CCDC3: variants seen among roughly 807,000 people sequenced by gnomAD.
CCDC3 encodes the protein coiled-coil domain-containing protein 3.
Under a neutral mutation model 21.4 loss-of-function variants are expected in CCDC3, and 24 were observed. That is an observed-to-expected ratio of 1.12 (90% CI 0.81 to 1.58). The LOEUF is 1.58. Among genes scored for constraint, CCDC3 ranks in the 40% most tolerant of loss-of-function variants. The probability of loss-of-function intolerance (pLI) is 0.00; values close to 1 mark genes in which losing one functional copy is unlikely to be tolerated. For synonymous variants in CCDC3, 186 were observed against 166.0 expected, an observed-to-expected ratio of 1.12 and a Z score of -0.93; for missense variants, 425 against 360.9, an observed-to-expected ratio of 1.18 and a Z score of -1.44.
At chr10:12,956,574 C>T (rs11258079) in intron 2 of CCDC3, among the ~76,000 whole-genome samples, 55,615 of 152,088 alleles carry the variant, frequency 0.37, 11,043 homozygotes, top group East Asian at 0.5. Flanking sequence ...ATTAGGGAAA[C>T]TGCATTTCTT....
At chr10:12,964,718 G>A (rs555675930) in intron 2 of CCDC3, among the ~76,000 whole-genome samples, 2 of 152,260 alleles carry the variant, frequency 1.3e-5, no homozygotes, top group East Asian at 1.9e-4. Context: ...CCTTAACAAT[G>A]TAATTGACTC....
intron 3 of CCDC3, among the ~76,000 whole-genome samples, chr10:13,089,829 C>T (rs1837159579): frequency 7.5e-6 from 1 of 133,794 alleles, no homozygotes; most frequent in African/African-American, 2.7e-5. Context: ...ATCCCCCACC[C>T]CCCTCCCACC....
At chr10:13,071,296 AC>A (rs35791992) in intron 4 of CCDC3, among the ~76,000 whole-genome samples, 51,018 of 151,752 alleles carry the variant, frequency 0.34, 8,744 homozygotes, top group African/African-American at 0.4. Context: ...AGTCCACGCA[AC>A]CCCCCCTCAA....
rs1249639105 is a variant in CCDC3 at position 12,898,826 on chromosome 10, C to T, written c.550-147G>A. On this transcript the variant is annotated intron_variant, in intron 2 of 2. Coordinates refer to ENST00000378825, the MANE Select transcript of CCDC3 (RefSeq NM_031455.4). ...GCATGGGCATAAACCCCAGGATGTCCTTGACGGTGACATTCCCCGCCCTCC... is the reference window on the plus strand; with the variant it reads ...GCATGGGCATAAACCCCAGGATGTCTTTGACGGTGACATTCCCCGCCCTCC... 18 of 948,326 alleles carry T rather than the reference C, an allele frequency of 1.9e-5. No homozygotes were observed. In the East Asian group the frequency reaches 3.2e-4, roughly 17 times the overall value. The allele number at this position is 948,326 out of a possible 1,614,324, so 58.7% of individuals were successfully genotyped here.
At chr10:13,084,331 G>A (rs1156482530) in intron 3 of CCDC3, among the ~76,000 whole-genome samples, 1 of 147,396 alleles carries the variant, frequency 6.8e-6, no homozygotes, top group Non-Finnish European at 1.5e-5. Flanking sequence ...TGTTGCCCAG[G>A]CTGGAATGCA....
intron 5 of CCDC3, among the ~76,000 whole-genome samples, chr10:13,022,605 T>C (rs183733067): frequency 4.9e-4 from 75 of 152,320 alleles, no homozygotes; most frequent in Middle Eastern, 6.8e-3. Flanking sequence ...AAAACTGCAA[T>C]TTCTTTTGCC....
intron 4 of CCDC3, among the ~76,000 whole-genome samples, chr10:13,069,620 G>A (rs1012610887): frequency 1.3e-5 from 2 of 152,084 alleles, no homozygotes; most frequent in East Asian, 1.9e-4. Context: ...GAGGGCCCCT[G>A]GAGTATCCAA....
At chr10:13,058,295 T>C in intron 4 of CCDC3, 1 of 1,369,234 alleles carries the variant, frequency 7.3e-7, no homozygotes, top group South Asian at 1.2e-5. Context: ...ATCGTATTCA[T>C]CGCCAGTCAC....
intron 3 of CCDC3, among the ~76,000 whole-genome samples, chr10:13,089,442 C>T: frequency 6.6e-6 from 1 of 152,044 alleles, no homozygotes; most frequent in East Asian, 1.9e-4. Flanking sequence ...GTCTTCAATT[C>T]TCAAACTTGC....
At chr10:12,917,527 A>T (rs1834379328) in intron 2 of CCDC3, among the ~76,000 whole-genome samples, 1 of 151,988 alleles carries the variant, frequency 6.6e-6, no homozygotes, top group Admixed American at 6.6e-5. Context: ...CCACATTGAG[A>T]TACTGTGATC....
At chr10:12,921,038 C>T (rs1258093237) in intron 2 of CCDC3, among the ~76,000 whole-genome samples, 1 of 152,232 alleles carries the variant, frequency 6.6e-6, no homozygotes, top group East Asian at 1.9e-4. Context: ...TGCCTTCCAA[C>T]TACTCTCAAG....
At position 13,098,087 on chromosome 10, in the gene CCDC3, G is replaced by T. The variant is rs554669242; in HGVS notation, c.-503+438C>A. On this transcript the variant is annotated intron_variant, in intron 3 of 6. Coordinates refer to the CCDC3 transcript ENST00000378839. The stretch of plus-strand genomic sequence containing the variant: ...CCTACAGCTAAGAAGTGGTTGTCGG[G>T]GGAGTGTGTGTGCATGTGTGTGTGC... 8.7e-4 allele frequency among the ~76,000 whole-genome samples: 132 copies of T among 152,188 alleles called. 2 individuals are homozygous for T. The highest frequency in any genetic ancestry group is 3.0e-3 in the African/African-American group (125 of 41,488).
intron 2 of CCDC3, among the ~76,000 whole-genome samples, chr10:12,962,940 T>C (rs1190581529): frequency 6.6e-6 from 1 of 152,240 alleles, no homozygotes; most frequent in Non-Finnish European, 1.5e-5. Context: ...CCAAGCTTTA[T>C]GTGTGTGTTT....
chr10:12,969,522 T>C lies in CCDC3; in HGVS notation c.549+28816A>G, dbSNP rs1037362784. 3.3e-5 allele frequency among the ~76,000 whole-genome samples: 5 copies of C among 151,870 alleles called. No individual in the cohort carries two copies. In the South Asian group the frequency reaches 6.2e-4, roughly 19 times the overall value. ...AGTACATAAGATTCAGAAGCTTACG[T>C]ACCCAGTAGTAAACCGACTACTGGG... On this transcript the variant is annotated intron_variant, in intron 2 of 2. Transcript: ENST00000378825.
Position 13,046,512 on chromosome 10 carries a change from G to A in CCDC3, c.-2+3162C>T, listed in dbSNP as rs187022640. Among the ~76,000 whole-genome samples, 822 of 151,132 alleles carry A rather than the reference G, an allele frequency of 5.4e-3. 4 individuals carry two copies. Among genetic ancestry groups the A allele is most frequent in the Admixed American group, 8.1e-3 (122 of 15,108 alleles). On this transcript the variant is annotated intron_variant, in intron 5 of 6. Transcript: ENST00000378839. ...GATGTCAGGAGTTCAAGACCAGCCT[G>A]GCCAATGTGGTGAAACCCCATCTCT...
chr10:12,938,871 G>A (rs1347298702), intron 2 of CCDC3, among the ~76,000 whole-genome samples: 2 of 152,140 alleles, frequency 1.3e-5, no homozygotes, highest in African/African-American at 4.8e-5. Context: ...TATCATGGGT[G>A]AATGAATCAA....
intron 2 of CCDC3, among the ~76,000 whole-genome samples, chr10:12,926,743 A>C (rs1221535303): frequency 6.6e-6 from 1 of 152,224 alleles, no homozygotes; most frequent in Non-Finnish European, 1.5e-5. Flanking sequence ...TTATATAGGT[A>C]TATCATGCAA....
chr10:12,993,253 T>C (rs1445731492), intron 2 of CCDC3, among the ~76,000 whole-genome samples: 2 of 152,234 alleles, frequency 1.3e-5, no homozygotes, highest in African/African-American at 4.8e-5. Context: ...CCTGAGACAA[T>C]ACCCTGAGAC....
chr10:13,017,720 C>A (rs953548873), intron 5 of CCDC3, among the ~76,000 whole-genome samples: 15 of 152,048 alleles, frequency 9.9e-5, no homozygotes, highest in Admixed American at 9.8e-4. Flanking sequence ...TTTCTTTCAA[C>A]TACCATGTGT....
Sources: gnomAD v4.1 joint callset for allele counts (sites outside exome capture counted in the v4.1 genomes callset) on GRCh38, gnomAD v4.1.1 for gene constraint, MANE v1.5 for transcripts, NCBI Gene and HGNC (gene_info 2026-07-23, HGNC 2026-07-21) for gene names.